Variants in TAPT1 observed in about 807,000 individuals in gnomAD.
The protein encoded by TAPT1 is transmembrane anterior posterior transformation 1, also known as transmembrane anterior posterior transformation protein 1 homolog.
TAPT1 carries 28 observed loss-of-function variants against 65.6 expected under a neutral mutation model. That is an observed-to-expected ratio of 0.43 (90% CI 0.32 to 0.59). The LOEUF (loss-of-function observed/expected upper bound fraction) is 0.59, where lower values mean the gene tolerates loss of function less well. Among genes scored for constraint, TAPT1 ranks in the 20% least tolerant of loss-of-function variants. TAPT1 has a pLI of 0.09. For missense variants in TAPT1, 563 were observed against 679.9 expected (o/e 0.83, Z 1.91); for synonymous variants, 278 against 245.2 (o/e 1.13, Z -1.25).
intron 12 of TAPT1, among the ~76,000 whole-genome samples, chr4:16,168,448 C>A (rs1389897841): frequency 6.6e-6 from 1 of 152,180 alleles, no homozygotes; most frequent in Non-Finnish European, 1.5e-5. Flanking sequence ...CCCGGGCCCT[C>A]CTCCCCCATG....
At chr4:16,205,365 G>A (rs1750277814) in intron 2 of TAPT1, among the ~76,000 whole-genome samples, 1 of 152,208 alleles carries the variant, frequency 6.6e-6, no homozygotes, top group Admixed American at 6.5e-5. Context: ...TAGGGTGTTA[G>A]AAAGTAGGAG....
chr4:16,224,650 T>G lies in TAPT1; in HGVS notation c.199+1609A>C, dbSNP rs906366420. Among the ~76,000 whole-genome samples the G allele has an allele frequency of 2.6e-5, 4 of 152,148 alleles. No individual in the cohort carries two copies. In the East Asian group the frequency reaches 7.7e-4, roughly 29 times the overall value. On this transcript the variant is annotated intron_variant, in intron 1 of 13. Coordinates refer to ENST00000405303, the MANE Select transcript of TAPT1 (RefSeq NM_153365.3). ...CCCAACAGCTAAACCTGGAGGCATC[T>G]CCCTGATAATGACTTCCTGCAACTA...
chr4:16,188,877 G>A (rs935611333), intron 4 of TAPT1, among the ~76,000 whole-genome samples: 6 of 150,478 alleles, frequency 4.0e-5, no homozygotes, highest in Non-Finnish European at 5.9e-5. Flanking sequence ...CCGAGATTGC[G>A]CCACTACACT....
chr4:16,206,848 A>C (rs1304575412), intron 2 of TAPT1, among the ~76,000 whole-genome samples: 1 of 152,232 alleles, frequency 6.6e-6, no homozygotes, highest in African/African-American at 2.4e-5. Context: ...ACATTAATAA[A>C]TGTGCTAGAG....
intron 7 of TAPT1, chr4:16,183,058 C>T (rs1219882445): frequency 1.3e-5 from 2 of 152,144 alleles, no homozygotes; most frequent in Non-Finnish European, 2.9e-5. Flanking sequence ...CTGACTGGCT[C>T]TCATTAAGTA....
In TAPT1 at chr4:16,202,519, G is replaced by A. The variant is rs1750096397; in HGVS notation, c.392C>T (p.Pro131Leu). 5 of 1,552,800 alleles carry A rather than the reference G, an allele frequency of 3.2e-6. No individual in the cohort carries two copies. Among genetic ancestry groups the A allele is most frequent in the African/African-American group, 1.4e-5 (1 of 72,972 alleles). ...DAFLYVFTLLPLRVFLALFRL... is the reference protein window; with the variant it reads ...DAFLYVFTLLLLRVFLALFRL... ...GAATAGTGCCAGGAAAACTCTTAAA[G>A]GAAGCAGGGTGAACACATACAAAAA... Residue 131 changes from proline to leucine, a missense_variant, in exon 3 of 14, where the codon CCT becomes CTT. Transcript: ENST00000405303.
chr4:16,208,757 T>C (rs1397805880), intron 2 of TAPT1, among the ~76,000 whole-genome samples: 1 of 152,374 alleles, frequency 6.6e-6, no homozygotes, highest in Non-Finnish European at 1.5e-5. Context: ...AGCCAGCTTT[T>C]CCATTCTATA....
At chr4:16,186,641 T>A (rs905245785) in intron 6 of TAPT1, 37 bp from the exon 7 acceptor site, 1 of 1,453,124 alleles carries the variant, frequency 6.9e-7, no homozygotes, top group Non-Finnish European at 9.4e-7. Context: ...TTTATGATTA[T>A]AACAGTTTAA....
At chr4:16,178,625 G>A (rs1023091110) in intron 8 of TAPT1, among the ~76,000 whole-genome samples, 1 of 152,114 alleles carries the variant, frequency 6.6e-6, no homozygotes, top group Admixed American at 6.5e-5. Flanking sequence ...TCCTACAAAT[G>A]TCGTAGTATT....
intron 12 of TAPT1, among the ~76,000 whole-genome samples, chr4:16,167,716 C>T (rs931843282): frequency 2.0e-5 from 3 of 152,110 alleles, no homozygotes; most frequent in African/African-American, 4.8e-5. Flanking sequence ...GCTTGGCACA[C>T]AGAAATGGCA....
intron 1 of TAPT1, 149 bp downstream of exon 1, chr4:16,226,110 C>A (rs1193520358): frequency 1.9e-6 from 2 of 1,027,412 alleles, no homozygotes; most frequent in African/African-American, 3.5e-5. Context: ...TCGGCAGCCT[C>A]GGCGGCTCCG....
chr4:16,225,974 C>G, intron 1 of TAPT1: 18 of 994,870 alleles, frequency 1.8e-5, no homozygotes, highest in Non-Finnish European at 2.2e-5. Flanking sequence ...GAGGGCGATG[C>G]AAGGACCCGG....
intron 2 of TAPT1, among the ~76,000 whole-genome samples, chr4:16,211,321 A>G (rs950120433): frequency 1.2e-4 from 19 of 152,166 alleles, no homozygotes; most frequent in African/African-American, 4.3e-4. Context: ...TTGCATGTCT[A>G]GATAGGCTCT....
In TAPT1 at chr4:16,160,648, T is replaced by C. The variant is rs952095593; in HGVS notation, c.*2660A>G. ...ACGAACAGGGACTTATCTTGCTCAT[T>C]GCTGATCCCACCACTTAGAACAGTT... On this transcript the variant is annotated 3_prime_UTR_variant, in exon 14 of 14. Transcript: ENST00000405303. The C allele has an allele frequency of 3.3e-5, 5 of 152,216 alleles. No homozygotes were observed. The highest frequency in any genetic ancestry group is 7.3e-5 in the Non-Finnish European group (5 of 68,038). 9.4% of individuals were successfully genotyped at this position (152,216 alleles called of 1,614,324 possible). A position where few individuals can be genotyped will look rare whatever the true frequency, so the allele number is the denominator to read the frequency against.
intron 3 of TAPT1, among the ~76,000 whole-genome samples, chr4:16,194,734 G>A (rs551066091): frequency 6.6e-6 from 1 of 152,254 alleles, no homozygotes; most frequent in South Asian, 2.1e-4. Flanking sequence ...TCTGGTGGAA[G>A]CGTTCCATCC....
rs368527207 is a variant in TAPT1 at position 16,160,595 on chromosome 4, T to C, written c.*2713A>G. On this transcript the variant is annotated 3_prime_UTR_variant, in exon 14 of 14. Transcript: ENST00000405303. Reference sequence around the variant, plus strand: ...TCTGTGACCAGCAGACATTATTTCATCGACTTGTTCCTATCAGTCTTCCAC... The same window carrying C: ...TCTGTGACCAGCAGACATTATTTCACCGACTTGTTCCTATCAGTCTTCCAC... 4.2e-4 allele frequency: 64 copies of C among 152,346 alleles called. No homozygotes were observed. Among genetic ancestry groups the C allele is most frequent in the African/African-American group, 1.4e-3 (57 of 41,580 alleles). The allele number at this position is 152,346 out of a possible 1,614,324, so 9.4% of individuals were successfully genotyped here.
At chr4:16,174,441 A>T in intron 10 of TAPT1, 169 bp from the exon 11 acceptor site, 1 of 711,152 alleles carries the variant, frequency 1.4e-6, no homozygotes. Flanking sequence ...ACAAGTCTTA[A>T]ATACAAAGTT....
chr4:16,169,322 T>C (rs1415170652), intron 12 of TAPT1, among the ~76,000 whole-genome samples: 1 of 152,214 alleles, frequency 6.6e-6, no homozygotes, highest in Non-Finnish European at 1.5e-5. Context: ...ATGTAGCATA[T>C]ACATGCTTCA....
chr4:16,188,165 A>G, intron 5 of TAPT1, 55 bp downstream of exon 5: 4 of 1,474,394 alleles, frequency 2.7e-6, no homozygotes, highest in Non-Finnish European at 3.7e-6. Flanking sequence ...ACCAAATAAA[A>G]TAAGGTAGAC....
Sources: gnomAD v4.1 joint callset for allele counts (sites outside exome capture counted in the v4.1 genomes callset) on GRCh38, gnomAD v4.1.1 for gene constraint, MANE v1.5 for transcripts, NCBI Gene and HGNC (gene_info 2026-07-23, HGNC 2026-07-21) for gene names.